Variants in SAMD4B observed in about 807,000 individuals in gnomAD.
SAMD4B encodes sterile alpha motif domain containing 4B, also known as protein Smaug homolog 2.
In SAMD4B, 5 loss-of-function variants were observed where a neutral mutation model predicts 74.5. That is an observed-to-expected ratio of 0.07 (90% CI 0.04 to 0.14). The LOEUF is 0.14. SAMD4B is among the 10% of genes least tolerant of loss of function. The pLI, the probability that SAMD4B is intolerant of heterozygous loss-of-function variation, is 1.00. For missense variants in SAMD4B, 608 were observed against 921.8 expected, an observed-to-expected ratio of 0.66 and a Z score of 4.41; for synonymous variants, 373 against 374.9, an observed-to-expected ratio of 1.00 and a Z score of 0.06.
chr19:39,359,112 C>G (rs988581788), intron 3 of SAMD4B, among the ~76,000 whole-genome samples: 2 of 152,210 alleles, frequency 1.3e-5, no homozygotes, highest in African/African-American at 4.8e-5. Flanking sequence ...CCACACTCCC[C>G]ACCACTCTAA....
At chr19:39,367,719 G>A (rs2077049932) in intron 3 of SAMD4B, among the ~76,000 whole-genome samples, 1 of 150,788 alleles carries the variant, frequency 6.6e-6, no homozygotes, top group African/African-American at 2.4e-5. Context: ...ATGTCGGCCA[G>A]GCTGGTCTCC....
intron 1 of SAMD4B, among the ~76,000 whole-genome samples, chr19:39,347,743 A>G (rs1172140808): frequency 6.6e-6 from 1 of 152,146 alleles, no homozygotes; most frequent in Non-Finnish European, 1.5e-5. Flanking sequence ...TTTTAGTGTA[A>G]ACTTGTTGAA....
chr19:39,349,195 G>A (rs2075875518), intron 1 of SAMD4B, among the ~76,000 whole-genome samples: 1 of 152,176 alleles, frequency 6.6e-6, no homozygotes, highest in African/African-American at 2.4e-5. Flanking sequence ...CTGGGTCTTT[G>A]GGAAATGGAA....
In SAMD4B at chr19:39,378,557, C is replaced by A; in HGVS notation, c.1498C>A (p.Leu500Ile). Reference protein sequence around the residue: ...RPDEENITSYLQLIEKCLTHE... With the variant: ...RPDEENITSYIQLIEKCLTHE... ...AGACGAGGAGAACATCACCAGTTAC[C>A]TCCAGCTCATCGAAAAGTGCCTGAC... Residue 500 changes from leucine to isoleucine, a missense_variant, in exon 9 of 14, where the codon CTC becomes ATC. Coordinates refer to ENST00000610417, the MANE Select transcript of SAMD4B (RefSeq NM_001384574.2). This position sits in a 1 kb window ranked among gnomAD's most constrained non-coding sequence, Gnocchi z 4.4. 6.2e-7 allele frequency: 1 copy of A among 1,614,022 alleles called. No individual in the cohort carries two copies.
At position 39,369,696 on chromosome 19, in the gene SAMD4B, G is replaced by T; in HGVS notation, c.238G>T (p.Val80Leu). 6.2e-7 allele frequency: 1 copy of T among 1,614,148 alleles called. No individual in the cohort carries two copies. Among genetic ancestry groups the T allele is most frequent in the East Asian group, 2.2e-5 (1 of 44,888 alleles). The change falls in exon 4 of 14, where the codon GTG (valine) becomes TTG (leucine). Residue 80 changes from valine (V) to leucine (L), a missense_variant. Physicochemically the swap from Val to Leu is conservative, Grantham distance 32. Coordinates refer to ENST00000610417, the MANE Select transcript of SAMD4B (RefSeq NM_001384574.2). Reference sequence around the variant, plus strand: ...GCAGCAGGAGTCCAAAGAGAAGGTGGTGTCCCTCCTGCTGTCCCACCTTCC... The same window carrying T: ...GCAGCAGGAGTCCAAAGAGAAGGTGTTGTCCCTCCTGCTGTCCCACCTTCC... ...QWQQESKEKV[V>L]SLLLSHLPLL... is the part of the protein sequence containing the mutation.
At chr19:39,350,659 T>C (rs2145271333) in intron 1 of SAMD4B, 1 of 152,170 alleles carries the variant, frequency 6.6e-6, no homozygotes, top group East Asian at 1.9e-4. Context: ...AGCTGATTTT[T>C]TGTATTTTTA....
In SAMD4B at chr19:39,356,788, G is replaced by T; in HGVS notation, c.-106G>T. 1.0e-6 allele frequency: 1 copy of T among 963,996 alleles called. No homozygotes were observed. Among genetic ancestry groups the T allele is most frequent in the Non-Finnish European group, 1.5e-6 (1 of 661,282 alleles). The allele number at this position is 963,996 out of a possible 1,614,324, so 59.7% of individuals were successfully genotyped here. ...CCACCACGCCCAGAAACGTCCTTAA[G>T]CCCTGGCCCTCAGGGGAAAGGTAAC... On this transcript the variant is annotated 5_prime_UTR_variant, in exon 3 of 14. Transcript: ENST00000610417.
At chr19:39,354,882 T>C (rs2076254800) in intron 2 of SAMD4B, among the ~76,000 whole-genome samples, 1 of 152,196 alleles carries the variant, frequency 6.6e-6, no homozygotes, top group Non-Finnish European at 1.5e-5. Flanking sequence ...AATTTTTTTT[T>C]CTTTTTTTCT....
chr19:39,388,232 C>A, downstream of SAMD4B: 3 of 1,059,062 alleles, frequency 2.8e-6, no homozygotes. Flanking sequence ...TTTACCAATG[C>A]ATATGACAAA....
At chr19:39,358,108 T>A (rs1442450716) in intron 3 of SAMD4B, among the ~76,000 whole-genome samples, 3 of 152,004 alleles carry the variant, frequency 2.0e-5, no homozygotes, top group African/African-American at 4.8e-5. Flanking sequence ...CCGTGTCTAT[T>A]AAAAGTACAA....
rs939627990 is a variant in SAMD4B at position 39,356,770 on chromosome 19, G to A, written c.-124G>A. On this transcript the variant is annotated 5_prime_UTR_variant, in exon 3 of 14. Transcript: ENST00000610417. ...CTCCCCCAACAACCGTTGCCACCAC[G>A]CCCAGAAACGTCCTTAAGCCCTGGC... 6 of 766,064 alleles carry A rather than the reference G, an allele frequency of 7.8e-6. No individual in the cohort carries two copies. The highest frequency in any genetic ancestry group is 3.1e-5 in the Admixed American group (1 of 32,198). The allele number at this position is 766,064 out of a possible 1,614,324, so 47.5% of individuals were successfully genotyped here. A position where few individuals can be genotyped will look rare whatever the true frequency, so the allele number is the denominator to read the frequency against.
rs757844915 is a variant in SAMD4B, at chr19:39,370,117, C to G, written c.659C>G (p.Ala220Gly). Reference sequence around the variant, plus strand: ...GCCATCAACAGTATTGGGAGCAATGCAAACACAGGTAAGTGGCGGGGGTGT... The same window carrying G: ...GCCATCAACAGTATTGGGAGCAATGGAAACACAGGTAAGTGGCGGGGGTGT... ...PPAINSIGSN[A>G]NTGLPCQIHP... The change falls in exon 4 of 14, where the codon GCA (alanine) becomes GGA (glycine). Residue 220 changes from alanine (A) to glycine (G), a missense_variant. This residue lies in a region of SAMD4B where 153 missense variants were observed against 153.0 expected (regional missense o/e 1.00). Transcript: ENST00000610417. 3 of 1,588,064 alleles carry G rather than the reference C, an allele frequency of 1.9e-6. No homozygotes were observed. Among genetic ancestry groups the G allele is most frequent in the Non-Finnish European group, 2.6e-6 (3 of 1,167,384 alleles).
chr19:39,349,744 A>G (rs548036139), intron 1 of SAMD4B: 4 of 152,346 alleles, frequency 2.6e-5, no homozygotes, highest in African/African-American at 9.6e-5. Context: ...AAGAAGGCAG[A>G]TAGGATCCCC....
Position 39,375,117 on chromosome 19 carries a change from A to C in SAMD4B, c.668-533A>C, listed in dbSNP as rs139125753. Among the ~76,000 whole-genome samples, 620 of 152,304 alleles carry C rather than the reference A, an allele frequency of 4.1e-3. 4 individuals carry two copies. Among genetic ancestry groups the C allele is most frequent in the African/African-American group, 0.014 (588 of 41,558 alleles). On this transcript the variant is annotated intron_variant, in intron 4 of 13. Transcript: ENST00000610417. This position sits in a 1 kb window ranked among gnomAD's most constrained non-coding sequence, Gnocchi z 4.1. ...GAACAACCTTGAGTGTTTCAGGAACAAAGGGGAGTTTGGGAGGAGGCAAAG... is the reference window on the plus strand; with the variant it reads ...GAACAACCTTGAGTGTTTCAGGAACCAAGGGGAGTTTGGGAGGAGGCAAAG...
At chr19:39,358,354 C>G (rs1174577729) in intron 3 of SAMD4B, among the ~76,000 whole-genome samples, 3 of 152,202 alleles carry the variant, frequency 2.0e-5, no homozygotes, top group Non-Finnish European at 2.9e-5. Flanking sequence ...CTGTTACTTG[C>G]CATATAACCA....
intron 6 of SAMD4B, 26 bp from the exon 7 acceptor site, chr19:39,376,679 C>T: frequency 1.2e-6 from 2 of 1,609,990 alleles, no homozygotes; most frequent in Non-Finnish European, 1.7e-6. Context: ...TCTCTAGCTT[C>T]CTGTCCCCTT....
In SAMD4B at chr19:39,380,642, G is replaced by A. The variant is rs1453710481; in HGVS notation, c.1705G>A (p.Ala569Thr). The change falls in exon 11 of 14, where the codon GCC (alanine) becomes ACC (threonine). Residue 569 changes from alanine to threonine, a missense_variant. Coordinates refer to ENST00000610417, the MANE Select transcript of SAMD4B (RefSeq NM_001384574.2). ...AGCTGGCTCTGTGGGGATGGGAGTG[G>A]CCCGGCGTACCCAGCGGCAGTTCCC... ...PIAGSVGMGV[A>T]RRTQRQFPMP... 2 of 1,614,114 alleles carry A rather than the reference G, an allele frequency of 1.2e-6. 1 individual carries two copies.
Position 39,375,816 on chromosome 19 carries a change from C to T in SAMD4B, c.834C>T (p.Ser278=). 4 of 1,613,808 alleles carry T rather than the reference C, an allele frequency of 2.5e-6. No homozygotes were observed. The highest frequency in any genetic ancestry group is 4.5e-5 in the East Asian group (2 of 44,882). The part of the protein sequence containing the change: ...APLSPQSSVA[S]SGSEQTEEQG... ...TCTCGCCCCAGAGCAGCGTGGCCTC[C>T]TCTGGCAGTGAGCAGACAGAGGAGC... Residue 278 remains serine (S), a synonymous_variant, in exon 5 of 14, where the codon TCC becomes TCT. Transcript: ENST00000610417. The surrounding 1 kb of genome is among the most constrained non-coding windows in gnomAD (Gnocchi z 4.1).
intron 4 of SAMD4B, among the ~76,000 whole-genome samples, chr19:39,372,341 A>G (rs2077358109): frequency 6.6e-6 from 1 of 152,166 alleles, no homozygotes; most frequent in South Asian, 2.1e-4. Context: ...GAATGAAGTG[A>G]CTTGCCCAAG....
Sources: allele counts gnomAD v4.1 joint callset (sites outside exome capture counted in the v4.1 genomes callset), GRCh38; gene constraint gnomAD v4.1.1; regional missense constraint gnomAD v4.1.1; non-coding constraint Gnocchi (gnomAD v3.1); transcripts MANE v1.5; gene names NCBI Gene and HGNC (gene_info 2026-07-23, HGNC 2026-07-21).